The following MYT1L variants were observed in gnomAD, a reference collection of about 807,000 sequenced individuals.
MYT1L encodes the protein myelin transcription factor 1 like.
In MYT1L, 12 loss-of-function variants were observed where a neutral mutation model predicts 126.7. The observed-to-expected ratio is 0.09, with a 90% CI of 0.06 to 0.15. The LOEUF (loss-of-function observed/expected upper bound fraction) is 0.15. Ranked by LOEUF, MYT1L falls within the 10% of genes least tolerant of loss-of-function variation. The probability of loss-of-function intolerance (pLI) is 1.00; values close to 1 mark genes in which losing one functional copy is unlikely to be tolerated. For missense variants in MYT1L, 979 were observed against 1,585.2 expected (o/e 0.62, Z 6.49); for synonymous variants, 541 against 604.2 (o/e 0.90, Z 1.53).
intron 19 of MYT1L, 134 bp downstream of exon 19, chr2:1,851,507 C>T (rs758554974): frequency 6.5e-5 from 52 of 805,198 alleles, no homozygotes; most frequent in South Asian, 3.1e-4. Context: ...TGCTTTATGG[C>T]GCTAAGAGTC....
At chr2:1,950,044 CT>C (rs1558507343) in intron 8 of MYT1L, among the ~76,000 whole-genome samples, 1 of 152,070 alleles carries the variant, frequency 6.6e-6, no homozygotes, top group African/African-American at 2.4e-5. Context: ...GTGCTTGGCA[CT>C]TTCTAAAATC....
At chr2:1,894,371 G>A (rs1195211322) in intron 14 of MYT1L, among the ~76,000 whole-genome samples, 2 of 152,200 alleles carry the variant, frequency 1.3e-5, no homozygotes, top group Non-Finnish European at 1.5e-5. Context: ...AGCAGAGGCT[G>A]TAAGGGCACC....
intron 3 of MYT1L, among the ~76,000 whole-genome samples, chr2:2,110,977 C>T (rs1465698532): frequency 6.6e-6 from 1 of 152,196 alleles, no homozygotes; most frequent in Non-Finnish European, 1.5e-5. Flanking sequence ...CCCTTCCACC[C>T]CAGCACAGCC....
chr2:1,931,187 G>A (rs1307258218), intron 9 of MYT1L, among the ~76,000 whole-genome samples: 1 of 152,164 alleles, frequency 6.6e-6, no homozygotes, highest in Non-Finnish European at 1.5e-5. Context: ...CCCAGGTTGG[G>A]CCTTCCCTCT....
rs535615044 is a variant in MYT1L, at chr2:2,139,793, G to A, written c.-304+33079C>T. ...TGGCAAGTGCTGCTTACTCTTCCAT[G>A]GTTGTAGCAAACAAAACTATAATTT... On this transcript the variant is annotated intron_variant, in intron 3 of 24. Coordinates refer to ENST00000647738, the MANE Select transcript of MYT1L (RefSeq NM_001303052.2). 2.0e-5 allele frequency among the ~76,000 whole-genome samples: 3 copies of A among 152,198 alleles called. No homozygotes were observed. The East Asian group carries it at 5.8e-4, about 29-fold the overall frequency.
In MYT1L at chr2:1,870,271, G is replaced by A. The variant is rs76775947; in HGVS notation, c.2711+16268C>T. Among the ~76,000 whole-genome samples, 1,428 of 152,274 alleles carry A rather than the reference G, an allele frequency of 9.4e-3. 20 individuals carry two copies. Among genetic ancestry groups the A allele is most frequent in the African/African-American group, 0.033 (1,376 of 41,550 alleles). Reference sequence around the variant, plus strand: ...GTCCTCAAGCTCTCTGTCCCATTACGCTGATCTGAAGGCTCAGTCCAGGAC... The same window carrying A: ...GTCCTCAAGCTCTCTGTCCCATTACACTGATCTGAAGGCTCAGTCCAGGAC... On this transcript the variant is annotated intron_variant, in intron 18 of 24. Transcript: ENST00000647738.
chr2:1,996,368 C>G (rs1044443421), intron 5 of MYT1L, among the ~76,000 whole-genome samples: 2 of 151,456 alleles, frequency 1.3e-5, no homozygotes, highest in Non-Finnish European at 2.9e-5. Flanking sequence ...AGACGGGCCA[C>G]CTTTACCTAG....
At chr2:2,138,699 T>C (rs1285254766) in intron 3 of MYT1L, among the ~76,000 whole-genome samples, 1 of 54,208 alleles carries the variant, frequency 1.8e-5, no homozygotes. Context: ...TGTTGTGGGG[T>C]GGGGGGAGGG....
At chr2:1,831,588 T>C (rs991726482) in intron 21 of MYT1L, among the ~76,000 whole-genome samples, 3 of 152,218 alleles carry the variant, frequency 2.0e-5, no homozygotes, top group Non-Finnish European at 4.4e-5. Flanking sequence ...ATCTTTTCCC[T>C]AAACTCTCCA....
At chr2:1,932,843 G>A (rs1311562265) in intron 9 of MYT1L, among the ~76,000 whole-genome samples, 2 of 152,172 alleles carry the variant, frequency 1.3e-5, no homozygotes, top group Non-Finnish European at 2.9e-5. Flanking sequence ...TGGAAGGGCA[G>A]GTGGAGGGCT....
At chr2:2,227,211 TTCATTCTTTGTTGATA>T (rs1367669143) in intron 2 of MYT1L, among the ~76,000 whole-genome samples, 1 of 152,152 alleles carries the variant, frequency 6.6e-6, no homozygotes. Context: ...TTTCTGTCTG[TTCATTCTTTGTTGATA>T]TCATCTGGTC....
rs2041557128 is a variant in MYT1L, at chr2:1,840,808, A to G, written c.2810T>C (p.Ile937Thr). 1.3e-6 allele frequency: 2 copies of G among 1,550,858 alleles called. No homozygotes were observed. The highest frequency in any genetic ancestry group is 1.2e-5 in the South Asian group (1 of 84,012). ...SGCPRAKKSGIRIAQSKEDKE... is the reference protein window; with the variant it reads ...SGCPRAKKSGTRIAQSKEDKE... ...ATCTTCTTTGCTCTGTGCTATCCTG[A>G]TACCACTTTTCTTTGCTCTTGGGCA... The change falls in exon 20 of 25, where the codon ATC (isoleucine) becomes ACC (threonine). Residue 937 changes from isoleucine (I) to threonine (T), a missense_variant. Ile to Thr is a moderately conservative substitution (Grantham distance 89). Transcript: ENST00000647738.
At chr2:2,232,211 A>C (rs1192033330) in intron 2 of MYT1L, among the ~76,000 whole-genome samples, 2 of 152,216 alleles carry the variant, frequency 1.3e-5, no homozygotes, top group East Asian at 3.9e-4. Context: ...TTTGGTGAAG[A>C]GGGGACAGTC....
intron 2 of MYT1L, among the ~76,000 whole-genome samples, chr2:2,283,686 C>T (rs374494393): frequency 2.3e-4 from 35 of 152,280 alleles, no homozygotes; most frequent in African/African-American, 2.6e-4. Context: ...CAAACCTACA[C>T]GTGGTCAGGC....
At chr2:2,195,934 A>C (rs1414113154) in intron 2 of MYT1L, among the ~76,000 whole-genome samples, 1 of 152,144 alleles carries the variant, frequency 6.6e-6, no homozygotes, top group African/African-American at 2.4e-5. Flanking sequence ...TATCACATGC[A>C]AAACAGGAGT....
At chr2:1,864,709 C>T (rs2045229821) in intron 18 of MYT1L, among the ~76,000 whole-genome samples, 2 of 152,328 alleles carry the variant, frequency 1.3e-5, no homozygotes, top group Non-Finnish European at 2.9e-5. Flanking sequence ...TCCACAACAT[C>T]TCTGCCCTCA....
chr2:2,065,917 G>T (rs1375736709), intron 3 of MYT1L, among the ~76,000 whole-genome samples: 2 of 151,554 alleles, frequency 1.3e-5, no homozygotes, highest in Non-Finnish European at 1.5e-5. Flanking sequence ...AGAAGAAATT[G>T]GGCATAAAAT....
At chr2:2,185,743 C>T (rs1392435439) in intron 2 of MYT1L, among the ~76,000 whole-genome samples, 2 of 133,576 alleles carry the variant, frequency 1.5e-5, no homozygotes. Flanking sequence ...CGGACGCAGC[C>T]GGGCCTCCCA....
At chr2:2,015,283 G>C (rs2064257940) in intron 4 of MYT1L, among the ~76,000 whole-genome samples, 1 of 152,038 alleles carries the variant, frequency 6.6e-6, no homozygotes, top group South Asian at 2.1e-4. Context: ...ATGGAAAGGA[G>C]ACAGTGCAGG....
Sources: gnomAD v4.1 joint callset for allele counts (sites outside exome capture counted in the v4.1 genomes callset) on GRCh38, gnomAD v4.1.1 for gene constraint, MANE v1.5 for transcripts, NCBI Gene and HGNC (gene_info 2026-07-23, HGNC 2026-07-21) for gene names.